Variants in CUX1 observed in about 807,000 individuals in gnomAD.
CUX1 encodes protein CASP.
CUX1 carries 31 observed loss-of-function variants against 158.8 expected under a neutral mutation model. That is an observed-to-expected ratio of 0.20 (90% CI 0.15 to 0.26). CUX1 has a LOEUF of 0.26. CUX1 is among the 10% of genes least tolerant of loss of function. The probability of loss-of-function intolerance (pLI) is 1.00; values close to 1 mark genes in which losing one functional copy is unlikely to be tolerated. For missense variants in CUX1, 1,589 were observed against 2,014.6 expected, an observed-to-expected ratio of 0.79 and a Z score of 4.04; for synonymous variants, 879 against 862.1, an observed-to-expected ratio of 1.02 and a Z score of -0.34.
At chr7:101,828,159 G>A (rs1175322047) in intron 1 of CUX1, among the ~76,000 whole-genome samples, 1 of 151,880 alleles carries the variant, frequency 6.6e-6, no homozygotes, top group African/African-American at 2.4e-5. Context: ...TAGTAGAGAT[G>A]GGTTTCACCG....
rs782019916 is a variant in CUX1, at chr7:102,170,454, G to A, written c.732G>A (p.Glu244=). Residue 244 remains glutamate, a synonymous_variant, in exon 10 of 24, where the codon GAG becomes GAA. Transcript: ENST00000292535. ...TDLERANQRA[E]VAQREAETLR... ...CTTTTCATTTCCTTCAGAGGGCAGA[G>A]GTGGCTCAGAGAGAGGCGGAGACCT... 54 of 1,585,258 alleles carry A rather than the reference G, an allele frequency of 3.4e-5. No homozygotes were observed. The South Asian group carries it at 6.3e-4, about 18-fold the overall frequency.
intron 2 of CUX1, among the ~76,000 whole-genome samples, chr7:101,947,291 G>A (rs973326199): frequency 2.0e-5 from 3 of 152,166 alleles, no homozygotes; most frequent in Admixed American, 1.3e-4. Context: ...CCACTTGGGA[G>A]GCTGAGGCAG....
chr7:101,911,181 G>T (rs1233465796), intron 1 of CUX1, among the ~76,000 whole-genome samples: 1 of 152,274 alleles, frequency 6.6e-6, no homozygotes, highest in Non-Finnish European at 1.5e-5. Context: ...GCCTGGGCCT[G>T]GGCCTTGGCC....
At position 101,916,347 on chromosome 7, in the gene CUX1, T is replaced by C. The variant is rs922416877; in HGVS notation, c.141+122T>C. On this transcript the variant is annotated intron_variant, in intron 2 of 23. Coordinates refer to ENST00000292535, the MANE Select transcript of CUX1 (RefSeq NM_181552.4). The surrounding 1 kb of genome is among the most constrained non-coding windows in gnomAD (Gnocchi z 4.4). The stretch of plus-strand genomic sequence containing the variant: ...AACGCACGGCCGGCAAACAACCCGT[T>C]TCTTTCCCCAGATGTCTTCAGCCCC... The C allele has an allele frequency of 3.0e-6, 2 of 655,836 alleles. No homozygotes were observed. Among genetic ancestry groups the C allele is most frequent in the African/African-American group, 3.6e-5 (2 of 55,866 alleles). The allele number at this position is 655,836 out of a possible 1,614,324, so 40.6% of individuals were successfully genotyped here.
intron 1 of CUX1, among the ~76,000 whole-genome samples, chr7:101,844,187 C>T (rs1239568337): frequency 1.4e-5 from 2 of 148,106 alleles, no homozygotes; most frequent in African/African-American, 5.0e-5. Context: ...CCTCCCCGCC[C>T]CCGCCCCCGC....
intron 5 of CUX1, 32 bp from the exon 6 acceptor site, chr7:102,104,304 T>C (rs1554487641): frequency 1.9e-6 from 3 of 1,560,856 alleles, no homozygotes; most frequent in Non-Finnish European, 2.6e-6. Flanking sequence ...TATGCTTCTC[T>C]TACTGTAGGT....
chr7:102,037,354 CTT>C (rs769552921), intron 3 of CUX1, among the ~76,000 whole-genome samples: 12 of 139,390 alleles, frequency 8.6e-5, no homozygotes, highest in Non-Finnish European at 7.9e-5. Flanking sequence ...CTTTTCTTTT[CTT>C]TTTTTTTTTT....
intron 20 of CUX1, among the ~76,000 whole-genome samples, chr7:102,207,068 C>T (rs782269242): frequency 2.6e-4 from 39 of 152,238 alleles, no homozygotes; most frequent in Non-Finnish European, 5.0e-4. Context: ...AACGTTTGTA[C>T]AACAGTCACA....
At chr7:101,985,444 G>A (rs1298948673) in intron 2 of CUX1, among the ~76,000 whole-genome samples, 1 of 152,212 alleles carries the variant, frequency 6.6e-6, no homozygotes, top group Admixed American at 6.5e-5. Context: ...GGTGGCAGCT[G>A]CAAGGTAGTG....
chr7:102,222,621 G>A (rs1291503253), intron 20 of CUX1, among the ~76,000 whole-genome samples: 1 of 151,778 alleles, frequency 6.6e-6, no homozygotes, highest in Non-Finnish European at 1.5e-5. Flanking sequence ...GTGACTCATC[G>A]TTAAGTCTTC....
chr7:101,951,144 A>G (rs1809009851), intron 2 of CUX1, among the ~76,000 whole-genome samples: 1 of 152,178 alleles, frequency 6.6e-6, no homozygotes, highest in Non-Finnish European at 1.5e-5. Flanking sequence ...AGCCTGGGCA[A>G]CATAGCAAAA....
intron 1 of CUX1, among the ~76,000 whole-genome samples, chr7:101,849,113 A>G (rs1796002679): frequency 6.6e-6 from 1 of 152,028 alleles, no homozygotes; most frequent in East Asian, 1.9e-4. Flanking sequence ...AAGGGTGGGT[A>G]GTTGAGTTGG....
At chr7:102,060,602 CAA>C (rs760431877) in intron 3 of CUX1, among the ~76,000 whole-genome samples, 5 of 75,092 alleles carry the variant, frequency 6.7e-5, no homozygotes, top group African/African-American at 2.7e-4. Flanking sequence ...TACACACACA[CAA>C]ATAAACACAC....
intron 2 of CUX1, among the ~76,000 whole-genome samples, chr7:102,015,698 A>T (rs1452713365): frequency 6.6e-6 from 1 of 152,226 alleles, no homozygotes; most frequent in Non-Finnish European, 1.5e-5. Context: ...AACAAGCTTT[A>T]TAAAAGTTCG....
chr7:102,280,311 GC>G (rs1193867075), intron 19 of CUX1, among the ~76,000 whole-genome samples: 4 of 152,206 alleles, frequency 2.6e-5, no homozygotes, highest in South Asian at 2.1e-4. Flanking sequence ...CAGGCCAGGA[GC>G]CCCCCCAAGA....
chr7:102,165,143 C>G lies in CUX1; in HGVS notation c.724-5303C>G, dbSNP rs550490082. On this transcript the variant is annotated intron_variant, in intron 9 of 23. Coordinates refer to ENST00000292535, the MANE Select transcript of CUX1 (RefSeq NM_181552.4). ...GGGGCCATGTCGCACATGAGACCCC[C>G]CAGCCCTCTCCCCACACCTTCGCCC... 4.6e-5 allele frequency among the ~76,000 whole-genome samples: 7 copies of G among 152,196 alleles called. No homozygotes were observed. In the East Asian group the frequency reaches 1.2e-3, roughly 25 times the overall value.
intron 2 of CUX1, among the ~76,000 whole-genome samples, chr7:101,982,900 T>C (rs1392820909): frequency 2.0e-4 from 24 of 117,074 alleles, no homozygotes; most frequent in Admixed American, 2.1e-4. Flanking sequence ...AGCCCCGGTG[T>C]GTGATGTTCT....
At chr7:102,025,966 C>T (rs1423536775) in intron 2 of CUX1, among the ~76,000 whole-genome samples, 1 of 151,356 alleles carries the variant, frequency 6.6e-6, no homozygotes, top group Admixed American at 6.6e-5. Context: ...CGCTTGAGTC[C>T]AGGAATTCAA....
At chr7:102,072,112 A>C (rs1318587690) in intron 4 of CUX1, among the ~76,000 whole-genome samples, 1 of 152,226 alleles carries the variant, frequency 6.6e-6, no homozygotes, top group Non-Finnish European at 1.5e-5. Context: ...AATTGGACAA[A>C]ATGCACAAAG....
Sources: allele counts gnomAD v4.1 joint callset (sites outside exome capture counted in the v4.1 genomes callset), GRCh38; gene constraint gnomAD v4.1.1; non-coding constraint Gnocchi (gnomAD v3.1); transcripts MANE v1.5; gene names NCBI Gene and HGNC (gene_info 2026-07-23, HGNC 2026-07-21).